RORA: variants seen among roughly 807,000 people sequenced by gnomAD.
RORA encodes nuclear receptor ROR-alpha.
RORA carries 7 observed loss-of-function variants against 69.5 expected under a neutral mutation model. That is an observed-to-expected ratio of 0.10 (90% CI 0.06 to 0.19). The LOEUF (loss-of-function observed/expected upper bound fraction) is 0.19. RORA is among the 10% of genes least tolerant of loss of function. RORA has a pLI of 1.00. For synonymous variants in RORA, 261 were observed against 240.8 expected (o/e 1.08, Z -0.78); for missense variants, 457 against 663.0 (o/e 0.69, Z 3.41).
chr15:60,993,639 C>T (rs1036788838), intron 1 of RORA, among the ~76,000 whole-genome samples: 1 of 67,214 alleles, frequency 1.5e-5, no homozygotes, highest in Admixed American at 1.8e-4. Flanking sequence ...CAAGACTCTC[C>T]ATCTCAAAAA....
intron 1 of RORA, among the ~76,000 whole-genome samples, chr15:61,091,869 G>C (rs2078712841): frequency 6.6e-6 from 1 of 152,104 alleles, no homozygotes; most frequent in African/African-American, 2.4e-5. Context: ...TTCCTACAAG[G>C]GTATATGTTA....
chr15:60,705,767 G>A (rs1013399796), intron 1 of RORA, among the ~76,000 whole-genome samples: 1 of 152,070 alleles, frequency 6.6e-6, no homozygotes, highest in African/African-American at 2.4e-5. Flanking sequence ...GTAAGAATTA[G>A]GAAAACTGGG....
chr15:60,699,683 C>A (rs1435351611), intron 1 of RORA, among the ~76,000 whole-genome samples: 1 of 152,160 alleles, frequency 6.6e-6, no homozygotes, highest in Non-Finnish European at 1.5e-5. Flanking sequence ...ATAAGAGAAG[C>A]ACAGTACTGT....
intron 1 of RORA, among the ~76,000 whole-genome samples, chr15:60,968,737 AG>A (rs1451369790): frequency 1.3e-5 from 2 of 150,256 alleles, no homozygotes; most frequent in African/African-American, 4.9e-5. Flanking sequence ...CTTTCTTTGT[AG>A]TGTATTTTCT....
rs190577376 is a variant in RORA, at chr15:60,825,583, G to A, written c.167-146897C>T. On this transcript the variant is annotated intron_variant, in intron 1 of 10. Coordinates refer to ENST00000335670, the MANE Select transcript of RORA (RefSeq NM_134261.3). Reference sequence around the variant, plus strand: ...TGAAATCCTAGCATATACACAGTCAGCACCAAGTAGGCCTGCTTCCCCATC... The same window carrying A: ...TGAAATCCTAGCATATACACAGTCAACACCAAGTAGGCCTGCTTCCCCATC... 3.7e-3 allele frequency among the ~76,000 whole-genome samples: 565 copies of A among 152,216 alleles called. 3 individuals are homozygous for A. The highest frequency in any genetic ancestry group is 0.012 in the African/African-American group (496 of 41,530).
chr15:61,184,517 G>A (rs956817842), intron 1 of RORA, among the ~76,000 whole-genome samples: 10 of 152,132 alleles, frequency 6.6e-5, no homozygotes, highest in African/African-American at 1.9e-4. Context: ...ATTCTGTTTC[G>A]GTAGTTGTAA....
intron 1 of RORA, among the ~76,000 whole-genome samples, chr15:61,130,125 T>A (rs902871748): frequency 1.3e-5 from 2 of 152,192 alleles, no homozygotes; most frequent in Non-Finnish European, 2.9e-5. Flanking sequence ...ACCTCTTGGG[T>A]CATGAGTGCC....
chr15:60,592,692 C>T, intron 2 of RORA: 2 of 1,046,720 alleles, frequency 1.9e-6, no homozygotes, highest in Non-Finnish European at 1.1e-6. Flanking sequence ...CCCGCCCCGC[C>T]CCCGCGGGCA....
In RORA at chr15:60,971,751, T is replaced by C. The variant is rs142500234; in HGVS notation, c.166+257302A>G. Among the ~76,000 whole-genome samples the C allele has an allele frequency of 5.9e-4, 90 of 152,366 alleles. No homozygotes were observed. The East Asian group carries it at 0.016, about 28-fold the overall frequency. The stretch of plus-strand genomic sequence containing the variant: ...TGAAAGACCCTGCGGAGGTGTTCAC[T>C]AAAGAGTCACATTCTCCTTCCTTTT... On this transcript the variant is annotated intron_variant, in intron 1 of 10. Transcript: ENST00000335670.
chr15:60,532,695 G>T (rs994875701), intron 2 of RORA, among the ~76,000 whole-genome samples: 2 of 152,088 alleles, frequency 1.3e-5, no homozygotes, highest in African/African-American at 4.8e-5. Context: ...GAATAATTAG[G>T]CAAAAGAAAA....
intron 1 of RORA, among the ~76,000 whole-genome samples, chr15:60,679,597 C>T (rs1005743746): frequency 7.0e-6 from 1 of 143,058 alleles, no homozygotes; most frequent in South Asian, 2.1e-4. Context: ...CTGTGGTAAA[C>T]CTTGAAATTT....
Position 60,493,717 on chromosome 15 carries a change from T to A in RORA, c.*3738A>T, listed in dbSNP as rs1396529124. On this transcript the variant is annotated 3_prime_UTR_variant, in exon 11 of 11. Transcript: ENST00000335670. ...TTTCACATTACAAAATCTTTTTTTC[T>A]TTACACAAATCACATTTTATTGCAG... 1 of 152,086 alleles carries A rather than the reference T, an allele frequency of 6.6e-6. No individual in the cohort carries two copies. The highest frequency in any genetic ancestry group is 2.4e-5 in the African/African-American group (1 of 41,408). 9.4% of individuals were successfully genotyped at this position (152,086 alleles called of 1,614,324 possible). A position where few individuals can be genotyped will look rare whatever the true frequency, so the allele number is the denominator to read the frequency against.
intron 1 of RORA, among the ~76,000 whole-genome samples, chr15:60,760,708 C>T (rs1490198373): frequency 6.6e-6 from 1 of 152,132 alleles, no homozygotes; most frequent in Non-Finnish European, 1.5e-5. Context: ...TGGTTATCAG[C>T]TAAGGAACAG....
At chr15:60,516,173 TTATATATATATTTATA>T (rs2065928089) in intron 3 of RORA, among the ~76,000 whole-genome samples, 1 of 34,724 alleles carries the variant, frequency 2.9e-5, no homozygotes, top group Non-Finnish European at 5.1e-5. Flanking sequence ...ATATATATAT[TTATATATATATTTATA>T]TATATATTTA....
At chr15:60,605,202 G>C (rs2068916849) in intron 2 of RORA, among the ~76,000 whole-genome samples, 1 of 148,536 alleles carries the variant, frequency 6.7e-6, no homozygotes, top group African/African-American at 2.5e-5. Flanking sequence ...CATGAAAACT[G>C]ATAATTTGTC....
intron 2 of RORA, among the ~76,000 whole-genome samples, chr15:60,621,395 T>A (rs2069403511): frequency 6.6e-6 from 1 of 152,116 alleles, no homozygotes. Context: ...AAATTGTTGC[T>A]ATATAACATG....
chr15:61,097,187 G>C (rs1000082837), intron 1 of RORA, among the ~76,000 whole-genome samples: 5 of 152,196 alleles, frequency 3.3e-5, no homozygotes, highest in African/African-American at 9.6e-5. Flanking sequence ...GCAGGGTCCA[G>C]AAAGTCGGGA....
intron 1 of RORA, among the ~76,000 whole-genome samples, chr15:60,775,246 C>T (rs1053887671): frequency 9.2e-5 from 14 of 152,118 alleles, no homozygotes; most frequent in Non-Finnish European, 1.5e-4. Context: ...GATTCCCCAC[C>T]GAGCCCTGAT....
chr15:61,083,808 G>T (rs1368514809), intron 1 of RORA, among the ~76,000 whole-genome samples: 1 of 151,896 alleles, frequency 6.6e-6, no homozygotes, highest in Non-Finnish European at 1.5e-5. Context: ...GAATACGTAG[G>T]CTTCTCTTGT....
Sources: gnomAD v4.1 joint callset for allele counts (sites outside exome capture counted in the v4.1 genomes callset) on GRCh38, gnomAD v4.1.1 for gene constraint, MANE v1.5 for transcripts, NCBI Gene and HGNC (gene_info 2026-07-23, HGNC 2026-07-21) for gene names.